SLC3A1: variants seen among roughly 807,000 people sequenced by gnomAD.
The protein encoded by SLC3A1 is solute carrier family 3 member 1, also known as amino acid transporter heavy chain SLC3A1.
Under a neutral mutation model 60.3 loss-of-function variants are expected in SLC3A1, and 78 were observed. That is an observed-to-expected ratio of 1.29 (90% CI 1.08 to 1.56). SLC3A1 has a LOEUF of 1.56. Among genes scored for constraint, SLC3A1 ranks in the 40% most tolerant of loss-of-function variants. SLC3A1 has a pLI of 0.00. For synonymous variants in SLC3A1, 392 were observed against 307.9 expected, an observed-to-expected ratio of 1.27 and a Z score of -2.86; for missense variants, 1,172 against 858.9, an observed-to-expected ratio of 1.36 and a Z score of -4.56.
chr2:44,321,957 A>G (rs938125165), downstream of SLC3A1: 4 of 1,515,254 alleles, frequency 2.6e-6, no homozygotes. Flanking sequence ...TCTTTGGAAG[A>G]TCGAGACCCA....
chr2:44,281,585 T>C (rs751619495), intron 3 of SLC3A1, 44 bp downstream of exon 3: 6 of 1,577,082 alleles, frequency 3.8e-6, no homozygotes, highest in Non-Finnish European at 5.2e-6. Context: ...AAAAGGCAGA[T>C]ATGTAGTGAT....
Position 44,301,089 on chromosome 2 carries a change from G to A in SLC3A1, c.1098G>A (p.Gln366=), listed in dbSNP as rs745473969. 3 of 1,613,972 alleles carry A rather than the reference G, an allele frequency of 1.9e-6. No individual in the cohort carries two copies. Among genetic ancestry groups the A allele is most frequent in the Non-Finnish European group, 2.5e-6 (3 of 1,180,040 alleles). ...GMHDIVRSFR[Q]TMDQYSTEPG... is the part of the protein sequence containing the mutation. ...ACGACATTGTCCGCAGCTTCCGGCA[G>A]ACCATGGACCAATACAGCACGGAGC... The change falls in exon 6 of 10, where the codon CAG becomes CAA. Residue 366 remains glutamine, a synonymous_variant. Transcript: ENST00000260649.
chr2:44,284,820 C>T (rs1671578652), intron 3 of SLC3A1, among the ~76,000 whole-genome samples: 1 of 152,140 alleles, frequency 6.6e-6, no homozygotes, highest in African/African-American at 2.4e-5. Context: ...CCCGCTTCAG[C>T]TCTCAAAGTG....
Position 44,302,689 on chromosome 2 carries a change from CAAT to C in SLC3A1, c.1137-1448_1137-1446del, listed in dbSNP as rs1356527680. Among the ~76,000 whole-genome samples the C allele has an allele frequency of 1.2e-4, 19 of 152,276 alleles. No individual in the cohort carries two copies. In the East Asian group the frequency reaches 2.7e-3, roughly 22 times the overall value. ...GCTTTCAGCAATTGAGAGTGCACAC[CAAT>C]AATAAGGCAAGATGTTATAGGGACT... On this transcript the variant is annotated intron_variant, in intron 6 of 9. Coordinates refer to ENST00000260649, the MANE Select transcript of SLC3A1 (RefSeq NM_000341.4).
chr2:44,312,683 T>A lies in SLC3A1; in HGVS notation c.1430T>A (p.Ile477Lys). 2 of 1,613,370 alleles carry A rather than the reference T, an allele frequency of 1.2e-6. No homozygotes were observed. The highest frequency in any genetic ancestry group is 1.7e-6 in the Non-Finnish European group (2 of 1,179,304). Residue 477 changes from isoleucine (I) to lysine (K), a missense_variant, in exon 8 of 10, where the codon ATA becomes AAA. Physicochemically the swap from Ile to Lys is moderately radical, Grantham distance 102 (BLOSUM62 -3). Transcript: ENST00000260649. ...MLLFTLPGTP[I>K]TYYGEEIGMG... is the part of the protein sequence containing the mutation. ...CTTTTCACACTCCCTGGAACTCCTA[T>A]AACTTACTATGGAGAAGAAATTGGA...
chr2:44,314,274 T>TC (rs1672370036), intron 9 of SLC3A1: 4 of 567,698 alleles, frequency 7.0e-6, no homozygotes, highest in Non-Finnish European at 1.2e-5. Context: ...CCTCCTCTCT[T>TC]CCCCTCAAAA....
intron 6 of SLC3A1, among the ~76,000 whole-genome samples, chr2:44,302,803 A>G (rs967593457): frequency 1.3e-5 from 2 of 152,252 alleles, no homozygotes; most frequent in Non-Finnish European, 2.9e-5. Context: ...AGTGATGAGA[A>G]TTGCTAAAGA....
chr2:44,315,669 A>AG (rs1672414301), intron 9 of SLC3A1, among the ~76,000 whole-genome samples: 1 of 151,254 alleles, frequency 6.6e-6, no homozygotes, highest in African/African-American at 2.4e-5. Context: ...AAAAAAAAAA[A>AG]AAAAAAGCAG....
At chr2:44,306,987 A>G (rs1049206478) in intron 7 of SLC3A1, among the ~76,000 whole-genome samples, 2 of 152,156 alleles carry the variant, frequency 1.3e-5, no homozygotes, top group Non-Finnish European at 2.9e-5. Flanking sequence ...TCCACTAGCA[A>G]TAACTGCGCA....
intron 7 of SLC3A1, among the ~76,000 whole-genome samples, chr2:44,307,136 A>G (rs983063356): frequency 6.6e-6 from 1 of 152,148 alleles, no homozygotes; most frequent in African/African-American, 2.4e-5. Flanking sequence ...TTCACTTAAC[A>G]TAGTGTTTTC....
At chr2:44,309,951 G>A (rs1672252947) in intron 7 of SLC3A1, among the ~76,000 whole-genome samples, 2 of 151,826 alleles carry the variant, frequency 1.3e-5, no homozygotes, top group South Asian at 4.2e-4. Context: ...GAGCACTGTG[G>A]TGTGAACATG....
intron 4 of SLC3A1, among the ~76,000 whole-genome samples, chr2:44,294,990 C>T (rs1337623337): frequency 6.6e-6 from 1 of 152,080 alleles, no homozygotes; most frequent in African/African-American, 2.4e-5. Context: ...GTGATCCTCC[C>T]ACCTCGGTCT....
At position 44,320,322 on chromosome 2, in the gene SLC3A1, G is replaced by C; in HGVS notation, c.1741G>C (p.Val581Leu). Reference sequence around the variant, plus strand: ...TTTGAGGAATGACAGCCACTATGTTGTGTACACAAGAGAGCTGGATGGCAT... The same window carrying C: ...TTTGAGGAATGACAGCCACTATGTTCTGTACACAAGAGAGCTGGATGGCAT... Reference protein sequence around the residue: ...CHLRNDSHYVVYTRELDGIDR... With the variant: ...CHLRNDSHYVLYTRELDGIDR... Residue 581 changes from valine (V) to leucine (L), a missense_variant, in exon 10 of 10, where the codon GTG (valine) becomes CTG (leucine). Coordinates refer to ENST00000260649, the MANE Select transcript of SLC3A1 (RefSeq NM_000341.4). 1 of 1,614,136 alleles carries C rather than the reference G, an allele frequency of 6.2e-7. No homozygotes were observed. Among genetic ancestry groups the C allele is most frequent in the Non-Finnish European group, 8.5e-7 (1 of 1,179,976 alleles).
In SLC3A1 at chr2:44,280,595, C is replaced by T. The variant is rs1671472872; in HGVS notation, c.431-121C>T. On this transcript the variant is annotated intron_variant, in intron 1 of 9. Coordinates refer to ENST00000260649, the MANE Select transcript of SLC3A1 (RefSeq NM_000341.4). ...CTATTTGAATTATACTCAAATTCAA[C>T]AAAATTCTAAGTATTTTTGCCTTCA... is the stretch of plus-strand genomic sequence containing the variant. The T allele has an allele frequency of 1.6e-5, 12 of 729,834 alleles. No homozygotes were observed. The East Asian group carries it at 3.0e-4, about 18-fold the overall frequency. 45.2% of individuals were successfully genotyped at this position (729,834 alleles called of 1,614,324 possible). A position where few individuals can be genotyped will look rare whatever the true frequency, so the allele number is the denominator to read the frequency against.
intron 4 of SLC3A1, among the ~76,000 whole-genome samples, chr2:44,294,162 C>T (rs543662106): frequency 1.4e-4 from 22 of 151,948 alleles, no homozygotes; most frequent in Non-Finnish European, 1.3e-4. Context: ...TTCCAGAAGA[C>T]GAGATTGGTC....
intron 4 of SLC3A1, among the ~76,000 whole-genome samples, chr2:44,293,901 C>G (rs1367081699): frequency 1.3e-5 from 2 of 152,216 alleles, no homozygotes; most frequent in Middle Eastern, 6.8e-3. Context: ...TGGTACGTAC[C>G]TAATGGGGTT....
chr2:44,312,220 A>T (rs1672315613), intron 7 of SLC3A1, among the ~76,000 whole-genome samples: 1 of 152,202 alleles, frequency 6.6e-6, no homozygotes, highest in Admixed American at 6.6e-5. Context: ...ACACATCAGA[A>T]GTCTCTCATG....
At chr2:44,292,788 C>G (rs745351476) in intron 4 of SLC3A1, among the ~76,000 whole-genome samples, 1 of 152,074 alleles carries the variant, frequency 6.6e-6, no homozygotes, top group Non-Finnish European at 1.5e-5. Context: ...AGGGAGTGAC[C>G]CGATGAGACT....
intron 7 of SLC3A1, among the ~76,000 whole-genome samples, chr2:44,305,802 G>GT (rs979551039): frequency 1.3e-5 from 2 of 151,958 alleles, no homozygotes; most frequent in African/African-American, 4.8e-5. Context: ...CCATCTCTCT[G>GT]TATCTCTACC....
Sources: gnomAD v4.1 joint callset for allele counts (sites outside exome capture counted in the v4.1 genomes callset) on GRCh38, gnomAD v4.1.1 for gene constraint, MANE v1.5 for transcripts, NCBI Gene and HGNC (gene_info 2026-07-23, HGNC 2026-07-21) for gene names.